Variants in ZMYND8 observed in about 807,000 individuals in gnomAD.
ZMYND8 encodes the protein zinc finger MYND-type containing 8.
A neutral mutation model predicts 140.8 loss-of-function variants in ZMYND8; 37 were observed. The observed-to-expected ratio is 0.26, with a 90% CI of 0.20 to 0.35. ZMYND8 has a LOEUF of 0.35. Ranked by LOEUF, ZMYND8 falls within the 10% of genes least tolerant of loss-of-function variation. The pLI is 1.00. For missense variants in ZMYND8, 1,068 were observed against 1,570.0 expected (o/e 0.68, Z 5.40); for synonymous variants, 592 against 597.1 (o/e 0.99, Z 0.12).
chr20:47,249,539 A>C, intron 12 of ZMYND8, 100 bp from the exon 13 acceptor site: 6 of 1,473,844 alleles, frequency 4.1e-6, no homozygotes, highest in Admixed American at 2.1e-5. Flanking sequence ...ATTTTAGAAC[A>C]TGGGGGAGGG....
intron 2 of ZMYND8, among the ~76,000 whole-genome samples, chr20:47,345,220 T>G (rs917315045): frequency 6.6e-6 from 1 of 152,002 alleles, no homozygotes; most frequent in African/African-American, 2.4e-5. Context: ...AAAGCCTCTT[T>G]GAGGAGCCAC....
chr20:47,274,717 GAT>G (rs1401459087), intron 11 of ZMYND8, among the ~76,000 whole-genome samples: 1 of 152,150 alleles, frequency 6.6e-6, no homozygotes, highest in African/African-American at 2.4e-5. Flanking sequence ...ACTAGAGAAA[GAT>G]ATAGACTGCA....
At chr20:47,304,259 CCTGT>C (rs1263094143) in intron 3 of ZMYND8, among the ~76,000 whole-genome samples, 1 of 152,130 alleles carries the variant, frequency 6.6e-6, no homozygotes, top group African/African-American at 2.4e-5. Flanking sequence ...TAGAAAAGGC[CCTGT>C]CTATTTGCTT....
chr20:47,317,441 C>T (rs2079498624), intron 2 of ZMYND8, among the ~76,000 whole-genome samples: 1 of 151,792 alleles, frequency 6.6e-6, no homozygotes, highest in South Asian at 2.1e-4. Flanking sequence ...AGTCACAGCA[C>T]ATGCCGTTCT....
chr20:47,277,392 T>A (rs6122571), intron 10 of ZMYND8, among the ~76,000 whole-genome samples: 2 of 152,376 alleles, frequency 1.3e-5, no homozygotes, highest in East Asian at 3.9e-4. Context: ...CAAAGACCCA[T>A]GACAGCATGT....
chr20:47,221,479 G>T lies in ZMYND8; in HGVS notation c.3257-5C>A. The T allele has an allele frequency of 6.2e-7, 1 of 1,613,458 alleles. No individual in the cohort carries two copies. Among genetic ancestry groups the T allele is most frequent in the South Asian group, 1.1e-5 (1 of 91,028 alleles). Reference sequence around the variant, plus strand: ...CTTCCTGCTGAGGAGCAGTAGCTGGGGACAAAGGAGAGAGAGAGACGCCAC... The same window carrying T: ...CTTCCTGCTGAGGAGCAGTAGCTGGTGACAAAGGAGAGAGAGAGACGCCAC... On this transcript the variant is annotated splice_region_variant and splice_polypyrimidine_tract_variant and intron_variant, in intron 19 of 22. Coordinates refer to ENST00000471951, the MANE Select transcript of ZMYND8 (RefSeq NM_001281775.3).
At chr20:47,264,985 C>T (rs369277302) in intron 11 of ZMYND8, among the ~76,000 whole-genome samples, 1 of 151,000 alleles carries the variant, frequency 6.6e-6, no homozygotes, top group Non-Finnish European at 1.5e-5. Context: ...TGCAGTGAAC[C>T]GTGATCATGC....
rs2077799393 is a variant in ZMYND8, at chr20:47,298,593, C to T, written c.453+136G>A. The stretch of plus-strand genomic sequence containing the variant: ...CCGGTGTTGGTCAAGAAGGGGGTGA[C>T]CAGGATAGAACAGGTGGAAAGCAAG... On this transcript the variant is annotated intron_variant, in intron 4 of 22. Coordinates refer to ENST00000471951, the MANE Select transcript of ZMYND8 (RefSeq NM_001281775.3). The surrounding 1 kb of genome is among the most constrained non-coding windows in gnomAD (Gnocchi z 5.0). The T allele has an allele frequency of 1.4e-6, 2 of 1,478,036 alleles. No individual in the cohort carries two copies. The highest frequency in any genetic ancestry group is 2.3e-5 in the Admixed American group (1 of 43,228). The allele number at this position is 1,478,036 out of a possible 1,614,324, so 91.6% of individuals were successfully genotyped here.
intron 21 of ZMYND8, 137 bp downstream of exon 21, chr20:47,220,112 CACTGACCCA>C: frequency 3.0e-6 from 2 of 676,514 alleles, no homozygotes; most frequent in South Asian, 3.8e-5. Context: ...CCCTCACCCC[CACTGACCCA>C]CCCCAGGCAC....
At chr20:47,251,528 A>G (rs1177144478) in intron 12 of ZMYND8, among the ~76,000 whole-genome samples, 2 of 151,844 alleles carry the variant, frequency 1.3e-5, no homozygotes, top group Non-Finnish European at 2.9e-5. Flanking sequence ...TTGAGGCTGC[A>G]GTGAGCCATG....
chr20:47,323,466 TCCTC>T (rs745624047), intron 2 of ZMYND8, among the ~76,000 whole-genome samples: 2 of 152,170 alleles, frequency 1.3e-5, no homozygotes, highest in East Asian at 3.9e-4. Context: ...GGTCAAGTGA[TCCTC>T]CCACCTCAGC....
intron 3 of ZMYND8, among the ~76,000 whole-genome samples, chr20:47,304,082 A>G (rs1422675288): frequency 6.6e-6 from 1 of 152,194 alleles, no homozygotes; most frequent in Non-Finnish European, 1.5e-5. Context: ...ATCATTTCTG[A>G]GATATGATTT....
At chr20:47,317,836 G>T (rs117079334) in intron 2 of ZMYND8, among the ~76,000 whole-genome samples, 6 of 152,118 alleles carry the variant, frequency 3.9e-5, no homozygotes, top group Admixed American at 2.0e-4. Flanking sequence ...CAGTGTGACC[G>T]TAAAAAGGCA....
chr20:47,273,668 T>G (rs1030663559), intron 11 of ZMYND8, among the ~76,000 whole-genome samples: 3 of 152,248 alleles, frequency 2.0e-5, no homozygotes, highest in Admixed American at 1.3e-4. Flanking sequence ...GGTCTCACTC[T>G]ATTGTCCAGG....
intron 1 of ZMYND8, chr20:47,351,907 GAC>G (rs2082814120): frequency 5.1e-6 from 5 of 985,262 alleles, no homozygotes; most frequent in Non-Finnish European, 6.0e-6. Flanking sequence ...TGAACCAAAG[GAC>G]ACCAACAACC....
rs760600733 is a variant in ZMYND8, at chr20:47,319,152, G to A, written c.86-8948C>T. 1.7e-5 allele frequency: 13 copies of A among 750,480 alleles called. No individual in the cohort carries two copies. In the East Asian group the frequency reaches 3.9e-4, roughly 22 times the overall value. The allele number at this position is 750,480 out of a possible 1,614,324, so 46.5% of individuals were successfully genotyped here. ...TCTTGTACGCATTAGGTCGCCCGGC[G>A]GGGCAAGGACACTGTCACCTCTTTG... On this transcript the variant is annotated intron_variant, in intron 2 of 22. Coordinates refer to ENST00000471951, the MANE Select transcript of ZMYND8 (RefSeq NM_001281775.3).
intron 1 of ZMYND8, chr20:47,348,613 G>A (rs984417608): frequency 2.0e-5 from 3 of 152,412 alleles, no homozygotes; most frequent in African/African-American, 7.2e-5. Context: ...CACCACAAAA[G>A]TGGAATGAGG....
At chr20:47,355,429 G>GAAAT in intron 1 of ZMYND8, 2 of 984,984 alleles carry the variant, frequency 2.0e-6, no homozygotes, top group Non-Finnish European at 2.4e-6. Context: ...GGTCACAGAG[G>GAAAT]AAATGGATTG....
At chr20:47,216,736 G>A (rs2036182173) in intron 21 of ZMYND8, among the ~76,000 whole-genome samples, 1 of 152,084 alleles carries the variant, frequency 6.6e-6, no homozygotes, top group Admixed American at 6.5e-5. Flanking sequence ...GAACCCAGGA[G>A]GCAGAGGTTG....
Sources: allele counts gnomAD v4.1 joint callset (sites outside exome capture counted in the v4.1 genomes callset), GRCh38; gene constraint gnomAD v4.1.1; non-coding constraint Gnocchi (gnomAD v3.1); transcripts MANE v1.5; gene names NCBI Gene and HGNC (gene_info 2026-07-23, HGNC 2026-07-21).